Variants in LPXN observed in about 807,000 individuals in gnomAD.
The protein encoded by LPXN is leupaxin.
A neutral mutation model predicts 45.6 loss-of-function variants in LPXN; 28 were observed. That is an observed-to-expected ratio of 0.61 (90% confidence interval 0.45 to 0.84). The LOEUF (loss-of-function observed/expected upper bound fraction) is 0.84, where lower values mean the gene tolerates loss of function less well. Among genes scored for constraint, LPXN ranks in the 40% least tolerant of loss-of-function variants. LPXN has a pLI of 0.00. For synonymous variants in LPXN, 166 were observed against 169.9 expected, an observed-to-expected ratio of 0.98 and a Z score of 0.18; for missense variants, 459 against 475.0, an observed-to-expected ratio of 0.97 and a Z score of 0.31.
Position 58,550,086 on chromosome 11 carries a change from C to A in LPXN, c.547G>T (p.Glu183Ter). The part of the protein sequence containing the change: ...PEHFVCTHCK[E>*]EIGSSPFFER... Reference sequence around the variant, plus strand: ...AAGAAGGGACTGGAGCCAATCTCTTCTTTGCAATGAGTACAGACAAAATGC... The same window carrying A: ...AAGAAGGGACTGGAGCCAATCTCTTATTTGCAATGAGTACAGACAAAATGC... The change falls in exon 6 of 9, where the codon GAA becomes TAA. Residue 183 changes from glutamate to a stop codon, truncating the protein, a stop_gained. Coordinates refer to ENST00000395074, the MANE Select transcript of LPXN (RefSeq NM_004811.3). LOFTEE classifies it high-confidence loss of function. 1.2e-6 allele frequency: 2 copies of A among 1,614,224 alleles called. No individual in the cohort carries two copies. Among genetic ancestry groups the A allele is most frequent in the South Asian group, 1.1e-5 (1 of 91,086 alleles).
intron 1 of LPXN, among the ~76,000 whole-genome samples, chr11:58,573,680 A>G (rs1309425717): frequency 6.6e-6 from 1 of 152,232 alleles, no homozygotes; most frequent in Non-Finnish European, 1.5e-5. Flanking sequence ...TGTAATTTGA[A>G]GATGACTAAT....
At chr11:58,575,937 G>C, upstream of LPXN, 3 of 1,423,556 alleles carry the variant, frequency 2.1e-6, no homozygotes, top group Non-Finnish European at 2.7e-6. Context: ...TTGATTTGGT[G>C]AGCTTTTTTT....
At chr11:58,549,429 C>T in intron 7 of LPXN, among the ~76,000 whole-genome samples, 1 of 151,914 alleles carries the variant, frequency 6.6e-6, no homozygotes, top group East Asian at 1.9e-4. Context: ...ACAACAACAA[C>T]AAAAAATAAG....
chr11:58,567,827 C>T (rs755351922), intron 2 of LPXN, among the ~76,000 whole-genome samples: 9 of 152,110 alleles, frequency 5.9e-5, no homozygotes, highest in Admixed American at 2.6e-4. Context: ...TTGTTTTGAG[C>T]TAACTGCTGA....
At chr11:58,576,777 C>A (rs1193254070), upstream of LPXN, among the ~76,000 whole-genome samples, 3 of 151,980 alleles carry the variant, frequency 2.0e-5, no homozygotes, top group African/African-American at 7.3e-5. Context: ...ACACCGTAGC[C>A]TTCTTTACTT....
intron 7 of LPXN, among the ~76,000 whole-genome samples, chr11:58,538,287 C>T (rs1015966116): frequency 1.8e-4 from 28 of 152,122 alleles, no homozygotes; most frequent in African/African-American, 5.8e-4. Context: ...GGTATATACC[C>T]AGTAATGGGG....
chr11:58,576,013 C>T, upstream of LPXN: 1 of 1,290,602 alleles, frequency 7.7e-7, no homozygotes, highest in East Asian at 2.8e-5. Context: ...GTAAGATTTG[C>T]ATTATGGCAG....
At chr11:58,578,755 G>A (rs893178602), upstream of LPXN, among the ~76,000 whole-genome samples, 6 of 152,092 alleles carry the variant, frequency 3.9e-5, no homozygotes, top group South Asian at 8.3e-4. Context: ...GTTTGCGTGA[G>A]GCGGGGAAAG....
chr11:58,538,252 T>C (rs1213780556), intron 7 of LPXN, among the ~76,000 whole-genome samples: 2 of 152,154 alleles, frequency 1.3e-5, no homozygotes, highest in Admixed American at 6.5e-5. Flanking sequence ...TGTGTCTTTA[T>C]AGCAGCATGA....
Position 58,527,258 on chromosome 11 carries a change from T to C in LPXN, c.*196A>G. ...GAGGGAGAAAGAGAATTTATAGAAT[T>C]AACTGTATAGAAGCCTAAAAAATAA... On this transcript the variant is annotated 3_prime_UTR_variant, in exon 9 of 9. Transcript: ENST00000395074. The C allele has an allele frequency of 3.5e-6, 2 of 567,434 alleles. No homozygotes were observed. Among genetic ancestry groups the C allele is most frequent in the South Asian group, 4.7e-5 (2 of 42,880 alleles). 35.1% of individuals were successfully genotyped at this position (567,434 alleles called of 1,614,324 possible).
chr11:58,558,881 T>C (rs1456040926), intron 3 of LPXN, among the ~76,000 whole-genome samples: 1 of 151,762 alleles, frequency 6.6e-6, no homozygotes, highest in Non-Finnish European at 1.5e-5. Flanking sequence ...TTTCCTAAGA[T>C]GGACATAAAA....
intron 7 of LPXN, among the ~76,000 whole-genome samples, chr11:58,548,366 C>A (rs1853937214): frequency 6.6e-6 from 1 of 150,510 alleles, no homozygotes; most frequent in Non-Finnish European, 1.5e-5. Flanking sequence ...GTTAATGAAC[C>A]AGAATGACTG....
intron 7 of LPXN, among the ~76,000 whole-genome samples, chr11:58,545,649 GGGTCTATT>G (rs1565191226): frequency 6.6e-6 from 1 of 152,158 alleles, no homozygotes; most frequent in Non-Finnish European, 1.5e-5. Context: ...CACTGTATCT[GGGTCTATT>G]GTCAAATAAA....
At chr11:58,556,258 T>C (rs1323215292) in intron 3 of LPXN, among the ~76,000 whole-genome samples, 1 of 151,936 alleles carries the variant, frequency 6.6e-6, no homozygotes, top group Non-Finnish European at 1.5e-5. Flanking sequence ...ATTAATATAA[T>C]TCATTAACAA....
At chr11:58,527,833 G>A (rs979425690) in intron 8 of LPXN, 110 bp from the exon 9 acceptor site, 3 of 1,213,192 alleles carry the variant, frequency 2.5e-6, no homozygotes, top group Non-Finnish European at 3.5e-6. Context: ...CCAGCTACAG[G>A]AATTTCCCTC....
At chr11:58,540,818 C>T (rs907269761) in intron 7 of LPXN, among the ~76,000 whole-genome samples, 6 of 152,104 alleles carry the variant, frequency 3.9e-5, no homozygotes, top group South Asian at 2.1e-4. Context: ...GAGAAACTCA[C>T]GGTGATTGCT....
chr11:58,529,169 A>G (rs139334780), intron 7 of LPXN, among the ~76,000 whole-genome samples: 3 of 152,356 alleles, frequency 2.0e-5, no homozygotes, highest in African/African-American at 7.2e-5. Context: ...TAATAAATTT[A>G]GCTACATAAA....
Position 58,527,659 on chromosome 11 carries a change from A to G in LPXN, c.956T>C (p.Leu319Pro). The change falls in exon 9 of 9, where the codon CTC becomes CCC. Residue 319 changes from leucine to proline, a missense_variant. Coordinates refer to ENST00000395074, the MANE Select transcript of LPXN (RefSeq NM_004811.3). Reference protein sequence around the residue: ...FELDGRPFCELHYHHRRGTLC... With the variant: ...FELDGRPFCEPHYHHRRGTLC... ...CGTTCCCCGGCGGTGATGGTAATGG[A>G]GCTCACAGAATGGACGTCCATCCAG... is the stretch of plus-strand genomic sequence containing the variant. 1.2e-6 allele frequency: 2 copies of G among 1,614,186 alleles called. No individual in the cohort carries two copies. The highest frequency in any genetic ancestry group is 1.6e-4 in the Middle Eastern group (1 of 6,062).
At chr11:58,576,647 G>A (rs868089198), upstream of LPXN, among the ~76,000 whole-genome samples, 1 of 152,208 alleles carries the variant, frequency 6.6e-6, no homozygotes, top group Non-Finnish European at 1.5e-5. Flanking sequence ...CTGTGAAATA[G>A]ATTTTTTCCC....
Sources: allele counts gnomAD v4.1 joint callset (sites outside exome capture counted in the v4.1 genomes callset), GRCh38; gene constraint gnomAD v4.1.1; transcripts MANE v1.5; gene names NCBI Gene and HGNC (gene_info 2026-07-23, HGNC 2026-07-21).